Variants in ARMC10 observed in about 807,000 individuals in gnomAD.
ARMC10 encodes armadillo repeat-containing protein 10.
A neutral mutation model predicts 30.2 loss-of-function variants in ARMC10; 23 were observed. The ratio of observed to expected loss-of-function variants is 0.76; its 90% CI spans 0.55 to 1.08. The LOEUF (loss-of-function observed/expected upper bound fraction) is 1.08, where lower values mean the gene tolerates loss of function less well. Ranked by LOEUF, ARMC10 falls within the 50% of genes least tolerant of loss-of-function variation. ARMC10 has a pLI of 0.00. For synonymous variants in ARMC10, 111 were observed against 164.4 expected (o/e 0.68, Z 2.48); for missense variants, 303 against 413.7 (o/e 0.73, Z 2.32).
intron 2 of ARMC10, among the ~76,000 whole-genome samples, chr7:103,079,820 A>G (rs1048177655): frequency 6.6e-6 from 1 of 152,230 alleles, no homozygotes; most frequent in African/African-American, 2.4e-5. Context: ...GATAGCTATA[A>G]AAACTTTAAA....
intron 5 of ARMC10, among the ~76,000 whole-genome samples, chr7:103,094,550 GATTT>G: frequency 6.6e-6 from 1 of 152,194 alleles, no homozygotes; most frequent in South Asian, 2.1e-4. Context: ...GTGGGTCTTA[GATTT>G]TGACTTCATC....
Position 103,092,553 on chromosome 7 carries a change from T to C in ARMC10, c.605T>C (p.Leu202Ser). ...GCTGTGCAGCTGGCTGGACTGACAT[T>C]GTTGACAAACATGACTGTTACCAAT... is the stretch of plus-strand genomic sequence containing the variant. ...NSAVQLAGLTLLTNMTVTNDH... is the reference protein window; with the variant it reads ...NSAVQLAGLTSLTNMTVTNDH... Residue 202 changes from leucine to serine, a missense_variant, in exon 5 of 7, where the codon TTG (leucine) becomes TCG (serine). By Grantham distance (145) the Leu-to-Ser change is moderately radical (BLOSUM62 -2). Coordinates refer to ENST00000323716, the MANE Select transcript of ARMC10 (RefSeq NM_031905.5). 1.9e-6 allele frequency: 3 copies of C among 1,610,480 alleles called. No individual in the cohort carries two copies. Among genetic ancestry groups the C allele is most frequent in the Non-Finnish European group, 2.5e-6 (3 of 1,177,080 alleles).
chr7:103,086,829 G>A (rs1168317782), intron 4 of ARMC10, 65 bp downstream of exon 4: 4 of 1,567,484 alleles, frequency 2.6e-6, no homozygotes, highest in Admixed American at 1.9e-5. Context: ...AAAAAGATGA[G>A]TAATGAAACT....
At chr7:103,077,527 T>C (rs145261307) in intron 2 of ARMC10, among the ~76,000 whole-genome samples, 62 of 152,294 alleles carry the variant, frequency 4.1e-4, no homozygotes, top group African/African-American at 1.4e-3. Context: ...TCAGGTCTCT[T>C]GTTCTTATAA....
chr7:103,083,980 C>T, intron 3 of ARMC10, 150 bp downstream of exon 3: 1 of 1,476,524 alleles, frequency 6.8e-7, no homozygotes, highest in Non-Finnish European at 9.1e-7. Flanking sequence ...TGTTTGTTTA[C>T]TTCTGAAAAA....
intron 4 of ARMC10, among the ~76,000 whole-genome samples, chr7:103,091,034 A>G (rs1327406559): frequency 6.6e-6 from 1 of 152,148 alleles, no homozygotes; most frequent in Non-Finnish European, 1.5e-5. Flanking sequence ...TTACCACTTC[A>G]AATTAGGAAA....
Position 103,075,359 on chromosome 7 carries a change from G to A in ARMC10, c.87G>A (p.Arg29=). ...GACYCIYRLT[R]GRRRGDRELG... ...GCTACTGCATTTACAGGCTGACCCG[G>A]GGTCGGCGGCGGGGCGACCGCGAGC... Residue 29 remains arginine (R), a synonymous_variant, in exon 1 of 7, where the codon CGG becomes CGA. Coordinates refer to ENST00000323716, the MANE Select transcript of ARMC10 (RefSeq NM_031905.5). The A allele has an allele frequency of 7.8e-7, 1 of 1,277,192 alleles. No homozygotes were observed. The highest frequency in any genetic ancestry group is 2.9e-5 in the East Asian group (1 of 34,606). The allele number at this position is 1,277,192 out of a possible 1,614,324, so 79.1% of individuals were successfully genotyped here. A position where few individuals can be genotyped will look rare whatever the true frequency, so the allele number is the denominator to read the frequency against.
At chr7:103,086,019 C>A (rs1188916325) in intron 3 of ARMC10, among the ~76,000 whole-genome samples, 1 of 152,090 alleles carries the variant, frequency 6.6e-6, no homozygotes, top group Non-Finnish European at 1.5e-5. Context: ...GTGTTTAGTT[C>A]ATAGACATAC....
At chr7:103,087,736 T>C (rs1359580577) in intron 4 of ARMC10, 19 of 977,028 alleles carry the variant, frequency 1.9e-5, no homozygotes, top group Non-Finnish European at 2.3e-5. Flanking sequence ...TAAGAGGTAA[T>C]CTCTGTATTT....
At chr7:103,080,702 A>T (rs1177344887) in intron 2 of ARMC10, among the ~76,000 whole-genome samples, 2 of 151,328 alleles carry the variant, frequency 1.3e-5, no homozygotes, top group Admixed American at 1.3e-4. Flanking sequence ...ATCTCGGCTC[A>T]CTGCAACCTC....
intron 2 of ARMC10, among the ~76,000 whole-genome samples, chr7:103,077,868 G>A (rs1006835035): frequency 2.0e-5 from 3 of 152,122 alleles, no homozygotes; most frequent in African/African-American, 7.2e-5. Flanking sequence ...TCTTAGGTAA[G>A]GCAGCTTAAA....
intron 2 of ARMC10, chr7:103,081,963 C>T: frequency 2.2e-6 from 1 of 456,438 alleles, no homozygotes; most frequent in South Asian, 1.5e-5. Context: ...CTGCTACTAA[C>T]TACCCCTGTG....
At chr7:103,080,110 G>C (rs1368596456) in intron 2 of ARMC10, among the ~76,000 whole-genome samples, 1 of 152,174 alleles carries the variant, frequency 6.6e-6, no homozygotes, top group Non-Finnish European at 1.5e-5. Context: ...ATGGAAAGTA[G>C]AACACATGTT....
At chr7:103,092,442 A>C (rs963657031) in intron 4 of ARMC10, 35 bp from the exon 5 acceptor site, 6 of 1,496,064 alleles carry the variant, frequency 4.0e-6, no homozygotes, top group Non-Finnish European at 5.4e-6. Context: ...AATTTTGGAG[A>C]TTCTAAGATG....
At chr7:103,077,033 A>C (rs1799939339) in intron 2 of ARMC10, among the ~76,000 whole-genome samples, 1 of 152,072 alleles carries the variant, frequency 6.6e-6, no homozygotes, top group South Asian at 2.1e-4. Context: ...AGTAACTAGG[A>C]CTACAGGTGC....
chr7:103,091,669 T>C (rs1315698496), intron 4 of ARMC10, among the ~76,000 whole-genome samples: 3 of 126,960 alleles, frequency 2.4e-5, no homozygotes, highest in Non-Finnish European at 3.4e-5. Flanking sequence ...AAGGTACTTA[T>C]TACTATGATA....
At chr7:103,092,850 A>AT (rs1217599079) in intron 5 of ARMC10, among the ~76,000 whole-genome samples, 197 bp downstream of exon 5, 8 of 152,202 alleles carry the variant, frequency 5.3e-5, no homozygotes, top group African/African-American at 1.9e-4. Context: ...TTATCAACAG[A>AT]TTCCTGTTCA....
intron 2 of ARMC10, chr7:103,081,841 TG>T: frequency 2.2e-6 from 1 of 456,380 alleles, no homozygotes; most frequent in Non-Finnish European, 4.4e-6. Context: ...TAGGAAACTC[TG>T]GAGCCAGTTA....
intron 5 of ARMC10, among the ~76,000 whole-genome samples, chr7:103,093,032 T>C (rs1801485506): frequency 6.6e-6 from 1 of 152,216 alleles, no homozygotes; most frequent in Non-Finnish European, 1.5e-5. Context: ...ACTTTTAAGC[T>C]GTAGTAAATG....
Sources: gnomAD v4.1 joint callset for allele counts (sites outside exome capture counted in the v4.1 genomes callset) on GRCh38, gnomAD v4.1.1 for gene constraint, MANE v1.5 for transcripts, NCBI Gene and HGNC (gene_info 2026-07-23, HGNC 2026-07-21) for gene names.